RNF43: variants seen among roughly 807,000 people sequenced by gnomAD.
RNF43 encodes ring finger protein 43.
Under a neutral mutation model 78.4 loss-of-function variants are expected in RNF43, and 37 were observed. The observed-to-expected ratio is 0.47, with a 90% CI of 0.36 to 0.62. The LOEUF is 0.62. RNF43 is among the 20% of genes least tolerant of loss of function. The pLI is 0.00. For synonymous variants in RNF43, 347 were observed against 395.0 expected, an observed-to-expected ratio of 0.88 and a Z score of 1.44; for missense variants, 774 against 1,007.9, an observed-to-expected ratio of 0.77 and a Z score of 3.14.
chr17:58,360,156 G>A lies in RNF43; in HGVS notation c.945C>T (p.Asn315=), dbSNP rs901196665. The change falls in exon 8 of 10, where the codon AAC becomes AAT. Residue 315 remains asparagine (N), a synonymous_variant. Transcript: ENST00000407977. This position sits in a 1 kb window ranked among gnomAD's most constrained non-coding sequence, Gnocchi z 4.3. ...CCTTGGCCCACCTCCTACCTGTGAT[G>A]TTGAACATGCAGAGGGGGCAAGTCC... ...QHRTCPLCMF[N]ITEGDSFSQS... 6.2e-7 allele frequency: 1 copy of A among 1,613,222 alleles called. No individual in the cohort carries two copies. The highest frequency in any genetic ancestry group is 1.1e-5 in the South Asian group (1 of 91,060).
chr17:58,416,172 CGTTGATGTCCAAA>C (rs1974120230), intron 1 of RNF43: 1 of 158,756 alleles, frequency 6.3e-6, no homozygotes, highest in Non-Finnish European at 1.4e-5. Context: ...TCAGGCCACA[CGTTGATGTCCAAA>C]GATGCTACAA....
Position 58,356,980 on chromosome 17 carries a change from G to A in RNF43, c.2308+488C>T, listed in dbSNP as rs531453183. ...GCCATCTTGGCTCACTGCAACTTCC[G>A]CCTCTTAGGTTCACGCGATTCTCCT... On this transcript the variant is annotated intron_variant, in intron 9 of 9. Coordinates refer to ENST00000407977, the MANE Select transcript of RNF43 (RefSeq NM_017763.6). The A allele has an allele frequency of 5.7e-3, 2,200 of 383,334 alleles. 11 individuals carry two copies. Among genetic ancestry groups the A allele is most frequent in the Middle Eastern group, 9.4e-3 (11 of 1,172 alleles). The allele number at this position is 383,334 out of a possible 1,614,324, so 23.7% of individuals were successfully genotyped here. A position where few individuals can be genotyped will look rare whatever the true frequency, so the allele number is the denominator to read the frequency against.
chr17:58,399,304 C>T (rs1245627696), intron 2 of RNF43, among the ~76,000 whole-genome samples: 1 of 152,106 alleles, frequency 6.6e-6, no homozygotes, highest in East Asian at 1.9e-4. Context: ...TCTGAGAAGG[C>T]TCAAAGGATG....
In RNF43 at chr17:58,357,447, C is replaced by T. The variant is rs2143382557; in HGVS notation, c.2308+21G>A. 1.2e-6 allele frequency: 2 copies of T among 1,614,212 alleles called. No individual in the cohort carries two copies. The highest frequency in any genetic ancestry group is 1.7e-6 in the Non-Finnish European group (2 of 1,180,022). ...TGTAGTCTCCTCTCCCTACCACACC[C>T]ACTTCCCTCTGAAAACTCACCAGGC... is the stretch of plus-strand genomic sequence containing the variant. On this transcript the variant is annotated intron_variant, in intron 9 of 9. Transcript: ENST00000407977. This position sits in a 1 kb window ranked among gnomAD's most constrained non-coding sequence, Gnocchi z 4.5.
intron 5 of RNF43, among the ~76,000 whole-genome samples, chr17:58,362,876 C>T (rs1353688545): frequency 1.3e-5 from 2 of 152,168 alleles, no homozygotes; most frequent in Non-Finnish European, 2.9e-5. Context: ...TATCTCAAAA[C>T]CCATGTGCTT....
At chr17:58,392,680 C>T (rs1341530497) in intron 2 of RNF43, among the ~76,000 whole-genome samples, 1 of 152,242 alleles carries the variant, frequency 6.6e-6, no homozygotes, top group Non-Finnish European at 1.5e-5. Flanking sequence ...TAACTTAGCA[C>T]AAAATGCTCT....
At chr17:58,369,392 TCCTGCCCACATC>T (rs1973031451) in intron 3 of RNF43, among the ~76,000 whole-genome samples, 1 of 152,122 alleles carries the variant, frequency 6.6e-6, no homozygotes, top group Non-Finnish European at 1.5e-5. Context: ...ACATTCAGAA[TCCTGCCCACATC>T]CCTGCCTGCC....
downstream of RNF43, chr17:58,353,458 C>T (rs1028074749): frequency 5.0e-6 from 1 of 200,628 alleles, no homozygotes; most frequent in Non-Finnish European, 1.0e-5. Context: ...AGTAAGAATC[C>T]AGTCATGCTT....
At chr17:58,400,766 C>A (rs1472266700) in intron 2 of RNF43, among the ~76,000 whole-genome samples, 2 of 152,090 alleles carry the variant, frequency 1.3e-5, no homozygotes, top group African/African-American at 2.4e-5. Flanking sequence ...GCAAAGAGCA[C>A]CATTTGGTGG....
In RNF43 at chr17:58,357,939, G is replaced by C. The variant is rs1214542900; in HGVS notation, c.1837C>G (p.Pro613Ala). ...TCAGGGAGGGCCCTGGGGCACTGTG[G>C]GTTAGAGAGCCGCCCCGAAGGGGCT... Reference protein sequence around the residue: ...SAAPSGRLSNPQCPRALPEPA... With the variant: ...SAAPSGRLSNAQCPRALPEPA... The change falls in exon 9 of 10, where the codon CCA becomes GCA. Residue 613 changes from proline (P) to alanine (A), a missense_variant. Transcript: ENST00000407977. This position sits in a 1 kb window ranked among gnomAD's most constrained non-coding sequence, Gnocchi z 4.5. 6.2e-7 allele frequency: 1 copy of C among 1,612,804 alleles called. No homozygotes were observed. The highest frequency in any genetic ancestry group is 8.5e-7 in the Non-Finnish European group (1 of 1,179,510).
In RNF43 at chr17:58,360,073, C is replaced by T. The variant is rs1972798489; in HGVS notation, c.952+76G>A. The T allele has an allele frequency of 8.8e-7, 1 of 1,136,856 alleles. No homozygotes were observed. Among genetic ancestry groups the T allele is most frequent in the Non-Finnish European group, 1.3e-6 (1 of 751,900 alleles). The allele number at this position is 1,136,856 out of a possible 1,614,324, so 70.4% of individuals were successfully genotyped here. ...TGCTTTCTCCCCAGCTTCAAGGCTGCAACCCTTTCCCAAAGGGAAGCCACA... is the reference window on the plus strand; with the variant it reads ...TGCTTTCTCCCCAGCTTCAAGGCTGTAACCCTTTCCCAAAGGGAAGCCACA... On this transcript the variant is annotated intron_variant, in intron 8 of 9. Transcript: ENST00000407977. The surrounding 1 kb of genome is among the most constrained non-coding windows in gnomAD (Gnocchi z 4.3).
chr17:58,390,142 G>A (rs1188200891), intron 2 of RNF43, among the ~76,000 whole-genome samples: 1 of 152,154 alleles, frequency 6.6e-6, no homozygotes, highest in Non-Finnish European at 1.5e-5. Flanking sequence ...AGAAAATGTG[G>A]AAGGTGGGAA....
chr17:58,366,233 C>A (rs1174288974), intron 3 of RNF43, among the ~76,000 whole-genome samples: 1 of 152,210 alleles, frequency 6.6e-6, no homozygotes, highest in Non-Finnish European at 1.5e-5. Context: ...CCTCTACTAT[C>A]CCCTCCACCA....
chr17:58,371,750 C>A (rs1464707410), intron 2 of RNF43, among the ~76,000 whole-genome samples: 2 of 152,228 alleles, frequency 1.3e-5, no homozygotes, highest in Non-Finnish European at 2.9e-5. Flanking sequence ...GAGGTGGAGC[C>A]AGCCCAGCCC....
At position 58,354,625 on chromosome 17, in the gene RNF43, T is replaced by C; in HGVS notation, c.*318A>G. On this transcript the variant is annotated 3_prime_UTR_variant, in exon 10 of 10. Coordinates refer to ENST00000407977, the MANE Select transcript of RNF43 (RefSeq NM_017763.6). ...CACCTTTGTAACACCTGGCTACCCA[T>C]AGCTAGCTTTCTGCCCTCAAAAACT... The C allele has an allele frequency of 2.2e-6, 1 of 445,854 alleles. No individual in the cohort carries two copies. Among genetic ancestry groups the C allele is most frequent in the Non-Finnish European group, 4.2e-6 (1 of 238,666 alleles). The allele number at this position is 445,854 out of a possible 1,614,324, so 27.6% of individuals were successfully genotyped here.
chr17:58,358,848 G>A lies in RNF43; in HGVS notation c.953-25C>T, dbSNP rs2143429352. The A allele has an allele frequency of 6.8e-7, 1 of 1,468,704 alleles. No individual in the cohort carries two copies. The allele number at this position is 1,468,704 out of a possible 1,614,324, so 91.0% of individuals were successfully genotyped here. On this transcript the variant is annotated intron_variant, in intron 8 of 9. Transcript: ENST00000407977. The surrounding 1 kb of genome is among the most constrained non-coding windows in gnomAD (Gnocchi z 6.2). Reference sequence around the variant, plus strand: ...TCTGGAAAAAAGAACCAAGAGCACAGATGTTTAACTCTACAAACCTACAGA... The same window carrying A: ...TCTGGAAAAAAGAACCAAGAGCACAAATGTTTAACTCTACAAACCTACAGA...
At position 58,356,903 on chromosome 17, in the gene RNF43, T is replaced by G. The variant is rs565379956; in HGVS notation, c.2308+565A>C. 19 of 208,728 alleles carry G rather than the reference T, an allele frequency of 9.1e-5. 1 individual carries two copies. The highest frequency in any genetic ancestry group is 4.1e-4 in the African/African-American group (17 of 41,650). 12.9% of individuals were successfully genotyped at this position (208,728 alleles called of 1,614,324 possible). On this transcript the variant is annotated intron_variant, in intron 9 of 9. Coordinates refer to ENST00000407977, the MANE Select transcript of RNF43 (RefSeq NM_017763.6). ...AAATGCCTCTTTTTTTTTTTTTTTTTTTTTTTTTGAGATGGAGTCTCACCC... is the reference window on the plus strand; with the variant it reads ...AAATGCCTCTTTTTTTTTTTTTTTTGTTTTTTTTGAGATGGAGTCTCACCC...
chr17:58,362,436 G>T, intron 6 of RNF43, 108 bp downstream of exon 6: 2 of 704,078 alleles, frequency 2.8e-6, no homozygotes, highest in South Asian at 4.0e-5. Flanking sequence ...GATGTAAATG[G>T]TTCCATAGGT....
Position 58,357,597 on chromosome 17 carries a change from A to G in RNF43, c.2179T>C (p.Leu727=), listed in dbSNP as rs1332676023. 1 of 1,613,808 alleles carries G rather than the reference A, an allele frequency of 6.2e-7. No homozygotes were observed. Among genetic ancestry groups the G allele is most frequent in the Non-Finnish European group, 8.5e-7 (1 of 1,179,934 alleles). ...AGGGGCTGGCGAGGAGTCAGGCACA[A>G]CCACACTGGCTGTGAATTTGAGTAA... ...PCYSNSQPVW[L]CLTPRQPLEP... The change falls in exon 9 of 10, where the codon TTG becomes CTG. Residue 727 remains leucine (L), a synonymous_variant. Coordinates refer to ENST00000407977, the MANE Select transcript of RNF43 (RefSeq NM_017763.6). This position sits in a 1 kb window ranked among gnomAD's most constrained non-coding sequence, Gnocchi z 4.5.
Sources: allele counts gnomAD v4.1 joint callset (sites outside exome capture counted in the v4.1 genomes callset), GRCh38; gene constraint gnomAD v4.1.1; non-coding constraint Gnocchi (gnomAD v3.1); transcripts MANE v1.5; gene names NCBI Gene and HGNC (gene_info 2026-07-23, HGNC 2026-07-21).